Variants in PTPRG observed in about 807,000 individuals in gnomAD.
The protein encoded by PTPRG is protein tyrosine phosphatase receptor type G.
In PTPRG, 102 loss-of-function variants were observed where a neutral mutation model predicts 165.3. The observed-to-expected ratio is 0.62, with a 90% CI of 0.53 to 0.73. The LOEUF (loss-of-function observed/expected upper bound fraction) is 0.73. Among genes scored for constraint, PTPRG ranks in the 30% least tolerant of loss-of-function variants. The pLI, the probability that PTPRG is intolerant of heterozygous loss-of-function variation, is 0.00. For missense variants in PTPRG, 1,866 were observed against 1,861.4 expected (o/e 1.00, Z -0.05); for synonymous variants, 675 against 669.5 (o/e 1.01, Z -0.13).
chr3:62,044,434 G>A (rs1043781284), intron 4 of PTPRG, among the ~76,000 whole-genome samples: 10 of 152,126 alleles, frequency 6.6e-5, no homozygotes, highest in Non-Finnish European at 1.5e-4. Flanking sequence ...AGCTACTCAG[G>A]AGGCTGAGGC....
At chr3:62,244,002 T>A (rs2106952968) in intron 15 of PTPRG, 104 bp downstream of exon 15, 2 of 670,654 alleles carry the variant, frequency 3.0e-6, no homozygotes, top group Middle Eastern at 5.0e-4. Context: ...CTTTTAAAGC[T>A]TGCCCAGTAT....
chr3:62,056,696 A>G (rs1037281075), intron 4 of PTPRG, among the ~76,000 whole-genome samples: 1 of 152,206 alleles, frequency 6.6e-6, no homozygotes, highest in South Asian at 2.1e-4. Flanking sequence ...GTTCCCAGAC[A>G]TTACCAAATG....
At chr3:61,565,773 A>G (rs1184839671) in intron 1 of PTPRG, among the ~76,000 whole-genome samples, 2 of 151,394 alleles carry the variant, frequency 1.3e-5, no homozygotes, top group African/African-American at 2.4e-5. Context: ...TGGAGGCTCC[A>G]TGATTAATGT....
chr3:61,620,929 T>C (rs984793077), intron 1 of PTPRG, among the ~76,000 whole-genome samples: 1 of 151,716 alleles, frequency 6.6e-6, no homozygotes, highest in Non-Finnish European at 1.5e-5. Flanking sequence ...GCGCCCGGCC[T>C]TACAGTTACT....
At chr3:61,655,480 T>C in intron 1 of PTPRG, among the ~76,000 whole-genome samples, 1 of 152,206 alleles carries the variant, frequency 6.6e-6, no homozygotes, top group East Asian at 1.9e-4. Flanking sequence ...AAATGAGTAT[T>C]ATAATTGACA....
intron 1 of PTPRG, among the ~76,000 whole-genome samples, chr3:61,682,464 T>C (rs1373403766): frequency 6.6e-6 from 1 of 152,196 alleles, no homozygotes; most frequent in Non-Finnish European, 1.5e-5. Context: ...TAGGCATTTG[T>C]TGTAAAGTTA....
chr3:61,916,730 A>T (rs2038947182), intron 2 of PTPRG, among the ~76,000 whole-genome samples: 1 of 152,216 alleles, frequency 6.6e-6, no homozygotes. Flanking sequence ...GTCATGTAGC[A>T]TATAGGAGCT....
intron 2 of PTPRG, among the ~76,000 whole-genome samples, chr3:61,933,995 G>T (rs1032894466): frequency 6.6e-6 from 1 of 152,134 alleles, no homozygotes; most frequent in Admixed American, 6.5e-5. Flanking sequence ...TCATGCTTTC[G>T]CTCCTGCACC....
intron 2 of PTPRG, among the ~76,000 whole-genome samples, chr3:61,963,494 C>G (rs9876411): frequency 0.28 from 42,900 of 151,980 alleles, 7,167 homozygotes; most frequent in African/African-American, 0.47. Flanking sequence ...TTTATACTTG[C>G]GGATGCTAGA....
chr3:61,674,426 G>A, intron 1 of PTPRG, among the ~76,000 whole-genome samples: 1 of 139,730 alleles, frequency 7.2e-6, no homozygotes, highest in East Asian at 2.2e-4. Context: ...GGTGGAGGCT[G>A]CAGTCAGCTG....
intron 2 of PTPRG, among the ~76,000 whole-genome samples, chr3:61,878,866 T>C (rs1311150432): frequency 6.6e-6 from 1 of 152,200 alleles, no homozygotes; most frequent in Non-Finnish European, 1.5e-5. Context: ...CAGAATATTT[T>C]AATATGCTTT....
At chr3:62,041,322 C>A (rs111274790) in intron 4 of PTPRG, among the ~76,000 whole-genome samples, 77 of 152,214 alleles carry the variant, frequency 5.1e-4, no homozygotes, top group African/African-American at 1.8e-3. Context: ...GGAGACAGAA[C>A]GTTGTTTCTT....
chr3:61,824,308 G>A (rs925072400), intron 2 of PTPRG, among the ~76,000 whole-genome samples: 3 of 152,182 alleles, frequency 2.0e-5, no homozygotes, highest in Non-Finnish European at 1.5e-5. Context: ...TGACTGAGAA[G>A]CCAGGTTAAA....
At chr3:62,175,046 C>G (rs1331484796) in intron 8 of PTPRG, among the ~76,000 whole-genome samples, 1 of 152,148 alleles carries the variant, frequency 6.6e-6, no homozygotes, top group Non-Finnish European at 1.5e-5. Context: ...CCTAGGCTCT[C>G]ATACTTCTGA....
intron 3 of PTPRG, among the ~76,000 whole-genome samples, chr3:61,998,247 G>T (rs1452983117): frequency 6.6e-6 from 1 of 152,134 alleles, no homozygotes; most frequent in Non-Finnish European, 1.5e-5. Context: ...CCCACGCTTT[G>T]CCCTGGCCCT....
rs201733832 is a variant in PTPRG at position 62,203,498 on chromosome 3, C to T, written c.1703C>T (p.Ser568Leu). 13 of 1,565,774 alleles carry T rather than the reference C, an allele frequency of 8.3e-6. No homozygotes were observed. The highest frequency in any genetic ancestry group is 2.3e-5 in the South Asian group (2 of 86,104). Reference protein sequence around the residue: ...ALASPGPDGDSSPTKDGEGTE... With the variant: ...ALASPGPDGDLSPTKDGEGTE... ...GCTTCTCCAGGGCCCGATGGTGATT[C>T]GTCACCAACCAAGGACGGCGAGGGC... is the stretch of plus-strand genomic sequence containing the variant. Residue 568 changes from serine (S) to leucine (L), a missense_variant, in exon 12 of 30, where the codon TCG becomes TTG. Ser to Leu is a moderately radical substitution (Grantham distance 145, BLOSUM62 -2). This residue lies in a region of PTPRG where 1,452 missense variants were observed against 1,463.0 expected (regional missense o/e 0.99). Coordinates refer to ENST00000474889, the MANE Select transcript of PTPRG (RefSeq NM_002841.4). This position sits in a 1 kb window ranked among gnomAD's most constrained non-coding sequence, Gnocchi z 6.4.
intron 4 of PTPRG, among the ~76,000 whole-genome samples, chr3:62,011,713 A>C (rs1230276599): frequency 6.6e-6 from 1 of 152,204 alleles, no homozygotes; most frequent in Admixed American, 6.5e-5. Context: ...CCTAGTACTT[A>C]GAGAATACTC....
At chr3:61,885,542 A>G (rs766252894) in intron 2 of PTPRG, among the ~76,000 whole-genome samples, 5 of 151,190 alleles carry the variant, frequency 3.3e-5, no homozygotes, top group Non-Finnish European at 7.4e-5. Context: ...CAATTGCAAT[A>G]AAGGCCAGAT....
intron 2 of PTPRG, among the ~76,000 whole-genome samples, chr3:61,900,879 T>C (rs1337747252): frequency 6.6e-6 from 1 of 152,112 alleles, no homozygotes; most frequent in Non-Finnish European, 1.5e-5. Flanking sequence ...CCCGCTGTGG[T>C]TTTAGGCAAG....
Sources: gnomAD v4.1 joint callset for allele counts (sites outside exome capture counted in the v4.1 genomes callset) on GRCh38, gnomAD v4.1.1 for gene constraint, gnomAD v4.1.1 regional missense constraint, Gnocchi (gnomAD v3.1) non-coding constraint, MANE v1.5 for transcripts, NCBI Gene and HGNC (gene_info 2026-07-23, HGNC 2026-07-21) for gene names.